ULK4: variants seen among roughly 807,000 people sequenced by gnomAD.
The protein encoded by ULK4 is unc-51 like kinase 4.
Under a neutral mutation model 160.6 loss-of-function variants are expected in ULK4, and 133 were observed. The ratio of observed to expected loss-of-function variants is 0.83; its 90% CI spans 0.72 to 0.96. The LOEUF (loss-of-function observed/expected upper bound fraction) is 0.96. Among genes scored for constraint, ULK4 ranks in the 40% least tolerant of loss-of-function variants. The pLI is 0.00. For missense variants in ULK4, 1,580 were observed against 1,499.5 expected (o/e 1.05, Z -0.89); for synonymous variants, 534 against 539.8 (o/e 0.99, Z 0.15).
intron 30 of ULK4, among the ~76,000 whole-genome samples, chr3:41,625,983 A>G (rs903669318): frequency 4.6e-5 from 7 of 152,256 alleles, no homozygotes; most frequent in Admixed American, 1.3e-4. Flanking sequence ...AAACTAAAAT[A>G]TACTGCACTT....
chr3:41,911,810 C>T (rs1482912602), intron 9 of ULK4, 151 bp from the exon 10 acceptor site: 2 of 640,472 alleles, frequency 3.1e-6, no homozygotes, highest in African/African-American at 1.8e-5. Flanking sequence ...CCCTCATCCA[C>T]ATAGCCATCA....
intron 18 of ULK4, among the ~76,000 whole-genome samples, chr3:41,835,152 G>A (rs911753191): frequency 3.3e-5 from 5 of 151,848 alleles, no homozygotes; most frequent in South Asian, 2.1e-4. Context: ...CGAGGCTGCC[G>A]TGAGCCATGA....
At chr3:41,596,019 G>C (rs2031662863) in intron 31 of ULK4, among the ~76,000 whole-genome samples, 1 of 152,170 alleles carries the variant, frequency 6.6e-6, no homozygotes, top group African/African-American at 2.4e-5. Flanking sequence ...CCTTACAAAG[G>C]CAAGAACAAA....
intron 29 of ULK4, among the ~76,000 whole-genome samples, chr3:41,671,169 C>A (rs1461579964): frequency 6.6e-6 from 1 of 151,984 alleles, no homozygotes; most frequent in African/African-American, 2.4e-5. Context: ...CCAAAGCAAT[C>A]TACAGATACA....
At chr3:41,894,341 T>G (rs1698077886) in intron 16 of ULK4, among the ~76,000 whole-genome samples, 1 of 152,238 alleles carries the variant, frequency 6.6e-6, no homozygotes. Context: ...AGATTTTACT[T>G]TGGGAGAGTA....
intron 31 of ULK4, among the ~76,000 whole-genome samples, chr3:41,612,969 C>T (rs1443490396): frequency 6.6e-6 from 1 of 152,172 alleles, no homozygotes; most frequent in East Asian, 1.9e-4. Flanking sequence ...AGAAAAAAGT[C>T]ATCAGGAGGT....
chr3:41,700,436 C>T (rs546075507), intron 27 of ULK4, among the ~76,000 whole-genome samples: 14 of 152,124 alleles, frequency 9.2e-5, no homozygotes, highest in Non-Finnish European at 1.5e-4. Context: ...ATTCACCAAC[C>T]CCTCCACACA....
At chr3:41,546,100 C>T (rs941844290) in intron 32 of ULK4, among the ~76,000 whole-genome samples, 5 of 152,058 alleles carry the variant, frequency 3.3e-5, no homozygotes, top group African/African-American at 9.7e-5. Context: ...TTTCAGCTGA[C>T]ATTTTATTAT....
intron 17 of ULK4, among the ~76,000 whole-genome samples, chr3:41,843,414 G>A (rs1191779029): frequency 6.6e-6 from 1 of 152,028 alleles, no homozygotes; most frequent in Non-Finnish European, 1.5e-5. Flanking sequence ...CGCGGTGAGT[G>A]TTACAGTTCT....
At chr3:41,633,471 G>C (rs2033828131) in intron 30 of ULK4, among the ~76,000 whole-genome samples, 1 of 152,114 alleles carries the variant, frequency 6.6e-6, no homozygotes, top group East Asian at 1.9e-4. Context: ...TGGCCTGCAA[G>C]ACCTAAAATA....
chr3:41,906,730 C>T (rs1698576815), intron 12 of ULK4, among the ~76,000 whole-genome samples: 1 of 152,148 alleles, frequency 6.6e-6, no homozygotes, highest in Non-Finnish European at 1.5e-5. Context: ...CACGGTGGCT[C>T]ACGCCTGTAA....
intron 16 of ULK4, among the ~76,000 whole-genome samples, chr3:41,887,465 T>C (rs1376147265): frequency 6.6e-6 from 1 of 152,186 alleles, no homozygotes; most frequent in Non-Finnish European, 1.5e-5. Context: ...CATTTTGATG[T>C]AGTGAAAGGA....
At chr3:41,847,866 T>A (rs747434835) in intron 17 of ULK4, among the ~76,000 whole-genome samples, 1 of 152,166 alleles carries the variant, frequency 6.6e-6, no homozygotes, top group East Asian at 1.9e-4. Context: ...CAAGTGTTGG[T>A]TAAAAAAGAA....
chr3:41,600,837 A>AC (rs1402297432), intron 31 of ULK4, among the ~76,000 whole-genome samples: 1 of 152,226 alleles, frequency 6.6e-6, no homozygotes, highest in African/African-American at 2.4e-5. Context: ...AATGATTGCC[A>AC]CAAGTCACAC....
In ULK4 at chr3:41,947,251, C is replaced by T. The variant is rs148262747; in HGVS notation, c.138+7371G>A. On this transcript the variant is annotated intron_variant, in intron 2 of 36. Transcript: ENST00000301831. ...GCGTGAACCCAGGAGACGGAGCTTG[C>T]GGTGAGCCGAGACTGTGCCACTGCA... 7.8e-3 allele frequency among the ~76,000 whole-genome samples: 1,194 copies of T among 152,236 alleles called. 47 individuals carry two copies. In the East Asian group the frequency reaches 0.13, roughly 16 times the overall value.
intron 17 of ULK4, among the ~76,000 whole-genome samples, chr3:41,852,992 A>T (rs1575828966): frequency 6.6e-6 from 1 of 152,190 alleles, no homozygotes; most frequent in Admixed American, 6.5e-5. Flanking sequence ...ACAATGACTC[A>T]CCTGGGAGAC....
At chr3:41,782,077 C>G (rs2039859368) in intron 21 of ULK4, among the ~76,000 whole-genome samples, 1 of 151,916 alleles carries the variant, frequency 6.6e-6, no homozygotes, top group African/African-American at 2.4e-5. Context: ...TGCACACATC[C>G]CTTGATAACT....
At chr3:41,702,241 T>G (rs2036699969) in intron 27 of ULK4, among the ~76,000 whole-genome samples, 1 of 152,140 alleles carries the variant, frequency 6.6e-6, no homozygotes, top group Non-Finnish European at 1.5e-5. Flanking sequence ...ACCTCCCAGA[T>G]TCAAGCGATT....
At chr3:41,307,551 G>T (rs1485450277) in intron 35 of ULK4, among the ~76,000 whole-genome samples, 1 of 152,140 alleles carries the variant, frequency 6.6e-6, no homozygotes, top group Non-Finnish European at 1.5e-5. Flanking sequence ...AATTAGGCTG[G>T]GTGTAATCGC....
Sources: gnomAD v4.1 joint callset for allele counts (sites outside exome capture counted in the v4.1 genomes callset) on GRCh38, gnomAD v4.1.1 for gene constraint, MANE v1.5 for transcripts, NCBI Gene and HGNC (gene_info 2026-07-23, HGNC 2026-07-21) for gene names.